LRBA: variants seen among roughly 807,000 people sequenced by gnomAD.
The protein encoded by LRBA is LPS responsive beige-like anchor protein.
A neutral mutation model predicts 330.0 loss-of-function variants in LRBA; 176 were observed. The ratio of observed to expected loss-of-function variants is 0.53; its 90% CI spans 0.47 to 0.60. LRBA has a LOEUF of 0.60. LRBA is among the 20% of genes least tolerant of loss of function. The pLI, the probability that LRBA is intolerant of heterozygous loss-of-function variation, is 0.00. For synonymous variants in LRBA, 1,230 were observed against 1,193.0 expected (o/e 1.03, Z -0.64); for missense variants, 3,259 against 3,444.8 (o/e 0.95, Z 1.35).
chr4:150,790,879 G>C (rs1026811615), intron 34 of LRBA, among the ~76,000 whole-genome samples: 2 of 152,130 alleles, frequency 1.3e-5, no homozygotes, highest in African/African-American at 2.4e-5. Flanking sequence ...AAAACAATAT[G>C]AGTGTATTAG....
intron 14 of LRBA, among the ~76,000 whole-genome samples, chr4:150,899,420 A>T (rs915281799): frequency 6.6e-6 from 1 of 152,154 alleles, no homozygotes; most frequent in African/African-American, 2.4e-5. Context: ...TGTATCTGGA[A>T]CTGCCAGTTT....
At chr4:150,684,656 T>C (rs1582036908) in intron 36 of LRBA, among the ~76,000 whole-genome samples, 1 of 152,174 alleles carries the variant, frequency 6.6e-6, no homozygotes, top group East Asian at 1.9e-4. Context: ...TATGATACTG[T>C]AGTTAAGGCA....
At chr4:150,865,843 G>A (rs1004210240) in intron 22 of LRBA, among the ~76,000 whole-genome samples, 3 of 151,510 alleles carry the variant, frequency 2.0e-5, no homozygotes, top group Non-Finnish European at 2.9e-5. Flanking sequence ...GGCCCCCCAA[G>A]TAGCTGGGAT....
intron 16 of LRBA, 67 bp downstream of exon 16, chr4:150,896,327 T>C: frequency 2.5e-6 from 2 of 804,382 alleles, no homozygotes; most frequent in Admixed American, 2.6e-5. Flanking sequence ...CTTTAAATTT[T>C]TACTTTTAAA....
intron 2 of LRBA, among the ~76,000 whole-genome samples, chr4:150,954,317 A>G (rs868548801): frequency 6.5e-4 from 98 of 150,596 alleles, no homozygotes; most frequent in Middle Eastern, 3.4e-3. Flanking sequence ...CGGTTTTGTC[A>G]AATAGAAAAG....
chr4:150,809,917 TAC>T (rs1743454161), intron 31 of LRBA, among the ~76,000 whole-genome samples: 1 of 134,260 alleles, frequency 7.4e-6, no homozygotes, highest in African/African-American at 2.8e-5. Flanking sequence ...TACGATACGA[TAC>T]GATACGATAC....
intron 40 of LRBA, among the ~76,000 whole-genome samples, chr4:150,533,476 C>A (rs1473224760): frequency 7.0e-6 from 1 of 142,904 alleles, no homozygotes; most frequent in Non-Finnish European, 1.5e-5. Context: ...CCAGCCAAAA[C>A]CCATTTTTTT....
At chr4:150,498,512 G>C (rs1291726542) in intron 40 of LRBA, among the ~76,000 whole-genome samples, 1 of 151,780 alleles carries the variant, frequency 6.6e-6, no homozygotes, top group African/African-American at 2.4e-5. Flanking sequence ...TTGAAAGAAG[G>C]CAAGAAACCA....
chr4:150,755,906 G>T (rs1043503071), intron 35 of LRBA, among the ~76,000 whole-genome samples: 14 of 151,716 alleles, frequency 9.2e-5, no homozygotes, highest in African/African-American at 3.4e-4. Flanking sequence ...AATTAGCCAG[G>T]TGTGGTGTCC....
In LRBA at chr4:150,735,248, T is replaced by G; in HGVS notation, c.5754+10A>C. ...GTAACTTCCGCACACCAACCATATG[T>G]GTAACCTACCTCAAATTCCGCATGT... On this transcript the variant is annotated intron_variant, in intron 36 of 56. Transcript: ENST00000651943. The G allele has an allele frequency of 6.3e-7, 1 of 1,596,218 alleles. No individual in the cohort carries two copies. Among genetic ancestry groups the G allele is most frequent in the Non-Finnish European group, 8.6e-7 (1 of 1,163,868 alleles).
At position 150,852,673 on chromosome 4, in the gene LRBA, T is replaced by C. The variant is rs1750753048; in HGVS notation, c.3037A>G (p.Asn1013Asp). 1 of 1,614,140 alleles carries C rather than the reference T, an allele frequency of 6.2e-7. No homozygotes were observed. The highest frequency in any genetic ancestry group is 8.5e-7 in the Non-Finnish European group (1 of 1,179,988). The change falls in exon 23 of 57, where the codon AAT (asparagine) becomes GAT (aspartate). Residue 1013 changes from asparagine to aspartate, a missense_variant. Transcript: ENST00000651943. ...GCTTTCATTTCTTCATAAGATGTAT[T>C]AGTAGTTTGCAGTTCAATATTAGAT... Reference protein sequence around the residue: ...SASNIELQTTNTSYEEMKAEQ... With the variant: ...SASNIELQTTDTSYEEMKAEQ...
At chr4:150,888,224 A>T (rs1365128232) in intron 17 of LRBA, among the ~76,000 whole-genome samples, 3 of 152,212 alleles carry the variant, frequency 2.0e-5, no homozygotes, top group Non-Finnish European at 4.4e-5. Flanking sequence ...GTGAAGGTCA[A>T]ATAAATATAT....
intron 36 of LRBA, among the ~76,000 whole-genome samples, chr4:150,705,712 T>C (rs1422150631): frequency 6.6e-6 from 1 of 152,040 alleles, no homozygotes; most frequent in Non-Finnish European, 1.5e-5. Context: ...TCAACTCCAC[T>C]GCTCCACTTA....
At chr4:150,616,492 A>C (rs1199678547) in intron 37 of LRBA, among the ~76,000 whole-genome samples, 1 of 152,212 alleles carries the variant, frequency 6.6e-6, no homozygotes, top group Non-Finnish European at 1.5e-5. Context: ...AGAAGGTAGT[A>C]ATCAACCATA....
At chr4:150,959,746 T>C (rs1175421905) in intron 2 of LRBA, among the ~76,000 whole-genome samples, 2 of 145,836 alleles carry the variant, frequency 1.4e-5, no homozygotes, top group African/African-American at 5.3e-5. Context: ...TTATATAATA[T>C]GTAACATAGT....
chr4:151,006,372 TA>T (rs1453550350), intron 2 of LRBA, among the ~76,000 whole-genome samples: 1 of 152,048 alleles, frequency 6.6e-6, no homozygotes, highest in African/African-American at 2.4e-5. Flanking sequence ...TAATAGGAAC[TA>T]GGCTTCCTAA....
intron 36 of LRBA, among the ~76,000 whole-genome samples, chr4:150,714,785 T>C (rs1001401472): frequency 1.3e-5 from 2 of 152,174 alleles, no homozygotes; most frequent in African/African-American, 4.8e-5. Flanking sequence ...TCCAATAGAA[T>C]TTATACCAGT....
At chr4:150,987,284 T>G (rs1741570273) in intron 2 of LRBA, among the ~76,000 whole-genome samples, 1 of 152,220 alleles carries the variant, frequency 6.6e-6, no homozygotes, top group Non-Finnish European at 1.5e-5. Context: ...ATACATCAAG[T>G]CTTTCTCAAA....
chr4:150,275,936 A>G (rs1746707130), intron 56 of LRBA, among the ~76,000 whole-genome samples: 1 of 152,232 alleles, frequency 6.6e-6, no homozygotes. Flanking sequence ...AAACTACTTT[A>G]AATTTCATAT....
Sources: allele counts gnomAD v4.1 joint callset (sites outside exome capture counted in the v4.1 genomes callset), GRCh38; gene constraint gnomAD v4.1.1; transcripts MANE v1.5; gene names NCBI Gene and HGNC (gene_info 2026-07-23, HGNC 2026-07-21).